The following GLIS3 variants were observed in gnomAD, a reference collection of about 807,000 sequenced individuals.
The protein encoded by GLIS3 is zinc finger protein GLIS3.
A neutral mutation model predicts 78.6 loss-of-function variants in GLIS3; 53 were observed. The ratio of observed to expected loss-of-function variants is 0.67; its 90% confidence interval spans 0.54 to 0.85. The LOEUF is 0.85. GLIS3 is among the 40% of genes least tolerant of loss of function. GLIS3 has a pLI of 0.00. For synonymous variants in GLIS3, 684 were observed against 509.9 expected, an observed-to-expected ratio of 1.34 and a Z score of -4.60; for missense variants, 1,703 against 1,231.1, an observed-to-expected ratio of 1.38 and a Z score of -5.74.
chr9:3,959,848 C>T (rs533113792), intron 4 of GLIS3, among the ~76,000 whole-genome samples: 186 of 152,250 alleles, frequency 1.2e-3, no homozygotes, highest in African/African-American at 4.2e-3. Flanking sequence ...TGTGTGGTCC[C>T]TTTATAGAAA....
chr9:4,011,106 T>A (rs559284906), intron 4 of GLIS3, among the ~76,000 whole-genome samples: 89 of 152,324 alleles, frequency 5.8e-4, no homozygotes, highest in Non-Finnish European at 5.1e-4. Flanking sequence ...CCTGAGGTTC[T>A]GAAACACCCT....
At chr9:4,466,224 G>A in the GLIS3 span, among the ~76,000 whole-genome samples, 2 of 152,174 alleles carry the variant, frequency 1.3e-5, no homozygotes, top group Non-Finnish European at 2.9e-5. Flanking sequence ...ACAATTCATT[G>A]TAAGACACAA....
intron 4 of GLIS3, among the ~76,000 whole-genome samples, chr9:3,956,044 A>G (rs987603254): frequency 3.7e-4 from 56 of 151,470 alleles, no homozygotes; most frequent in Non-Finnish European, 1.8e-4. Context: ...AAAAAAAAAA[A>G]AAAAGAAAGA....
At chr9:3,852,148 A>C (rs1819474264) in intron 9 of GLIS3, among the ~76,000 whole-genome samples, 1 of 151,826 alleles carries the variant, frequency 6.6e-6, no homozygotes, top group African/African-American at 2.4e-5. Context: ...ACGTTCCAAA[A>C]GAAAAAAAAA....
chr9:4,144,899 T>C (rs1420069824), intron 2 of GLIS3: 5 of 152,240 alleles, frequency 3.3e-5, no homozygotes, highest in African/African-American at 1.2e-4. Context: ...TGCTGTTTAT[T>C]TACAAGAGTT....
chr9:4,361,195 G>A, the GLIS3 span, among the ~76,000 whole-genome samples: 2 of 152,178 alleles, frequency 1.3e-5, no homozygotes, highest in Non-Finnish European at 2.9e-5. Context: ...CTGTAGAAAG[G>A]AGCAGTTTCA....
chr9:4,125,997 A>T, intron 2 of GLIS3, 56 bp from the exon 3 acceptor site: 2 of 1,340,552 alleles, frequency 1.5e-6, no homozygotes, highest in South Asian at 2.4e-5. Context: ...AAATCAGTAA[A>T]TACAGACATG....
the GLIS3 span, among the ~76,000 whole-genome samples, chr9:4,433,969 G>A: frequency 6.6e-6 from 1 of 152,032 alleles, no homozygotes; most frequent in Admixed American, 6.6e-5. Context: ...GGTGGCACAA[G>A]CCTGTAATCC....
At chr9:3,889,434 T>C (rs368820489) in intron 7 of GLIS3, among the ~76,000 whole-genome samples, 77 of 152,314 alleles carry the variant, frequency 5.1e-4, no homozygotes, top group African/African-American at 1.8e-3. Context: ...TTTTAAATAT[T>C]GGGCCTTAAA....
intron 9 of GLIS3, among the ~76,000 whole-genome samples, chr9:3,851,986 T>C (rs1819463764): frequency 6.6e-6 from 1 of 151,814 alleles, no homozygotes; most frequent in South Asian, 2.1e-4. Context: ...CTACTAGAAA[T>C]ACAAAAAAAT....
chr9:4,392,052 C>G, the GLIS3 span, among the ~76,000 whole-genome samples: 1 of 152,126 alleles, frequency 6.6e-6, no homozygotes. Flanking sequence ...CATTATACAC[C>G]ATGGAATACT....
intron 4 of GLIS3, among the ~76,000 whole-genome samples, chr9:4,030,886 C>G (rs1823779020): frequency 6.6e-6 from 1 of 152,172 alleles, no homozygotes; most frequent in Non-Finnish European, 1.5e-5. Context: ...CTGACATTAT[C>G]AAAAGCTGCT....
intron 3 of GLIS3, among the ~76,000 whole-genome samples, chr9:4,124,412 A>C (rs373689863): frequency 6.6e-6 from 1 of 152,286 alleles, no homozygotes; most frequent in African/African-American, 2.4e-5. Flanking sequence ...TGTCAGTTTC[A>C]CCGTTAATTA....
At chr9:4,412,501 G>C in the GLIS3 span, among the ~76,000 whole-genome samples, 3 of 152,116 alleles carry the variant, frequency 2.0e-5, no homozygotes, top group African/African-American at 7.2e-5. Context: ...TATCACCCTT[G>C]CATTTGTATC....
intron 2 of GLIS3, among the ~76,000 whole-genome samples, chr9:4,233,313 T>C (rs1160818451): frequency 6.6e-6 from 1 of 152,286 alleles, no homozygotes; most frequent in African/African-American, 2.4e-5. Context: ...CCCCTCCAAA[T>C]AGGCTTGTAC....
At chr9:3,943,236 T>C (rs1588281487) in intron 4 of GLIS3, among the ~76,000 whole-genome samples, 1 of 152,178 alleles carries the variant, frequency 6.6e-6, no homozygotes, top group Non-Finnish European at 1.5e-5. Flanking sequence ...AAGTGCTACA[T>C]AAGGGAGAAA....
At chr9:4,183,080 G>A (rs890931758) in intron 2 of GLIS3, among the ~76,000 whole-genome samples, 1 of 152,188 alleles carries the variant, frequency 6.6e-6, no homozygotes, top group Non-Finnish European at 1.5e-5. Context: ...CATTTCCTGT[G>A]ATGCTATTTG....
At chr9:4,088,700 TCTC>T (rs1160085855) in intron 4 of GLIS3, among the ~76,000 whole-genome samples, 1 of 152,258 alleles carries the variant, frequency 6.6e-6, no homozygotes, top group African/African-American at 2.4e-5. Flanking sequence ...CCTTGTCCCT[TCTC>T]CTCAAGGAAC....
intron 2 of GLIS3, among the ~76,000 whole-genome samples, chr9:4,227,533 G>A (rs1244213037): frequency 6.6e-6 from 1 of 152,158 alleles, no homozygotes; most frequent in African/African-American, 2.4e-5. Context: ...TCTGTGTGCT[G>A]TAGTAATTCC....
Sources: gnomAD v4.1 joint callset for allele counts (sites outside exome capture counted in the v4.1 genomes callset) on GRCh38, gnomAD v4.1.1 for gene constraint, MANE v1.5 for transcripts, NCBI Gene and HGNC (gene_info 2026-07-23, HGNC 2026-07-21) for gene names.